The following LPP variants were observed in gnomAD, a reference collection of about 807,000 sequenced individuals.
LPP encodes lipoma-preferred partner.
LPP carries 38 observed loss-of-function variants against 60.4 expected under a neutral mutation model. The ratio of observed to expected loss-of-function variants is 0.63; its 90% CI spans 0.49 to 0.83. LPP has a LOEUF of 0.83. Ranked by LOEUF, LPP falls within the 40% of genes least tolerant of loss-of-function variation. The probability of loss-of-function intolerance (pLI) is 0.00; values close to 1 mark genes in which losing one functional copy is unlikely to be tolerated. For synonymous variants in LPP, 328 were observed against 290.8 expected (o/e 1.13, Z -1.30); for missense variants, 902 against 783.6 (o/e 1.15, Z -1.80).
intron 7 of LPP, among the ~76,000 whole-genome samples, chr3:188,666,392 T>A (rs1374200178): frequency 4.6e-5 from 7 of 152,172 alleles, no homozygotes; most frequent in Admixed American, 4.6e-4. Flanking sequence ...CACAGACTTG[T>A]CTTTGTTCAC....
intron 2 of LPP, among the ~76,000 whole-genome samples, chr3:188,240,976 G>A (rs536330567): frequency 2.0e-5 from 3 of 152,286 alleles, no homozygotes; most frequent in African/African-American, 7.2e-5. Context: ...ATTTTTAAAT[G>A]AAAAATGTTA....
intron 4 of LPP, among the ~76,000 whole-genome samples, chr3:188,407,617 A>C (rs1783822902): frequency 6.6e-6 from 1 of 152,102 alleles, no homozygotes; most frequent in African/African-American, 2.4e-5. Flanking sequence ...TTAGAAAGAG[A>C]CTGCATCTTT....
In LPP at chr3:188,879,045, C is replaced by G. The variant is rs1287382824; in HGVS notation, c.*4566C>G. 4.4e-6 allele frequency: 1 copy of G among 228,388 alleles called. No homozygotes were observed. Among genetic ancestry groups the G allele is most frequent in the East Asian group, 6.3e-5 (1 of 15,970 alleles). 14.1% of individuals were successfully genotyped at this position (228,388 alleles called of 1,614,324 possible). A position where few individuals can be genotyped will look rare whatever the true frequency, so the allele number is the denominator to read the frequency against. The stretch of plus-strand genomic sequence containing the variant: ...TTCATTGTATTTGCTTAATAGTGGT[C>G]CAGACAAGTTCAAAACTTGTTCTCA... On this transcript the variant is annotated 3_prime_UTR_variant, in exon 12 of 12. Transcript: ENST00000617246.
chr3:188,820,046 A>G (rs1753545248), intron 9 of LPP, among the ~76,000 whole-genome samples: 1 of 152,222 alleles, frequency 6.6e-6, no homozygotes, highest in South Asian at 2.1e-4. Context: ...ACACATGGAT[A>G]ATCCACAAGA....
intron 1 of LPP, among the ~76,000 whole-genome samples, chr3:188,164,896 G>A (rs549001412): frequency 1.1e-4 from 16 of 152,170 alleles, no homozygotes; most frequent in Non-Finnish European, 1.3e-4. Flanking sequence ...GGGTTTCGAC[G>A]ATGGAAACGT....
chr3:188,181,352 C>CAAAAAAA (rs11330297), intron 1 of LPP, among the ~76,000 whole-genome samples: 1 of 111,586 alleles, frequency 9.0e-6, no homozygotes. Context: ...AATTCCGTCT[C>CAAAAAAA]AAAAAAAAAA....
chr3:188,796,294 G>A (rs1170431116), intron 9 of LPP, among the ~76,000 whole-genome samples: 1 of 152,148 alleles, frequency 6.6e-6, no homozygotes, highest in Non-Finnish European at 1.5e-5. Flanking sequence ...AGGCCAGTGT[G>A]GTCAGAGCTC....
At chr3:188,784,363 A>G (rs1577528312) in intron 9 of LPP, among the ~76,000 whole-genome samples, 1 of 57,310 alleles carries the variant, frequency 1.7e-5, no homozygotes. Context: ...TCCATCATAT[A>G]TATATATTCC....
intron 6 of LPP, among the ~76,000 whole-genome samples, chr3:188,571,165 G>C (rs1264293499): frequency 1.3e-5 from 2 of 152,018 alleles, no homozygotes; most frequent in Non-Finnish European, 2.9e-5. Flanking sequence ...CTTATTTCAT[G>C]CTCCATGAGG....
intron 7 of LPP, among the ~76,000 whole-genome samples, chr3:188,637,831 G>T (rs1389153299): frequency 6.6e-6 from 1 of 152,078 alleles, no homozygotes; most frequent in East Asian, 1.9e-4. Context: ...TTGAATCTCT[G>T]AATAGACCAA....
intron 6 of LPP, among the ~76,000 whole-genome samples, chr3:188,549,385 C>T (rs1325329492): frequency 7.4e-6 from 1 of 135,012 alleles, no homozygotes; most frequent in Admixed American, 7.7e-5. Context: ...GGTTCTACTT[C>T]TCTATTTTGT....
At position 188,269,591 on chromosome 3, in the gene LPP, A is replaced by G. The variant is rs907599716; in HGVS notation, c.-67+44064A>G. Reference sequence around the variant, plus strand: ...CACATGAAGAAATAAAGTTATATCAAGAAAGATGCCTAACACATGTTCTGA... The same window carrying G: ...CACATGAAGAAATAAAGTTATATCAGGAAAGATGCCTAACACATGTTCTGA... On this transcript the variant is annotated intron_variant, in intron 2 of 11. Coordinates refer to ENST00000617246, the MANE Select transcript of LPP (RefSeq NM_001375462.1). Among the ~76,000 whole-genome samples, 68 of 151,906 alleles carry G rather than the reference A, an allele frequency of 4.5e-4. 1 individual carries two copies. The highest frequency in any genetic ancestry group is 3.9e-4 in the East Asian group (2 of 5,176).
chr3:188,390,847 A>C (rs908055973), intron 3 of LPP, among the ~76,000 whole-genome samples: 1 of 152,150 alleles, frequency 6.6e-6, no homozygotes, highest in East Asian at 1.9e-4. Flanking sequence ...TTTTCCAAGA[A>C]GAGAGAGACC....
At chr3:188,179,690 C>T (rs1423509648) in intron 1 of LPP, 1 of 355,782 alleles carries the variant, frequency 2.8e-6, no homozygotes, top group Non-Finnish European at 5.5e-6. Flanking sequence ...TTGTCTGCTC[C>T]AAAACTGTGG....
chr3:188,411,758 C>G (rs75903394), intron 4 of LPP, among the ~76,000 whole-genome samples: 38 of 152,248 alleles, frequency 2.5e-4, no homozygotes, highest in African/African-American at 8.7e-4. Context: ...TAAACTCAGT[C>G]TTAGACTTTG....
chr3:188,552,791 G>C (rs1284715854), intron 6 of LPP, among the ~76,000 whole-genome samples: 1 of 152,150 alleles, frequency 6.6e-6, no homozygotes, highest in Non-Finnish European at 1.5e-5. Context: ...GATAATTCAG[G>C]CTAATCTCCC....
At chr3:188,754,110 G>A in intron 8 of LPP, among the ~76,000 whole-genome samples, 1 of 152,292 alleles carries the variant, frequency 6.6e-6, no homozygotes, top group African/African-American at 2.4e-5. Flanking sequence ...ATGGCTAACA[G>A]TTGACATTCT....
chr3:188,744,413 C>T (rs750738613), intron 8 of LPP, among the ~76,000 whole-genome samples: 4 of 152,110 alleles, frequency 2.6e-5, no homozygotes, highest in Admixed American at 6.6e-5. Flanking sequence ...GTCCCCTTCC[C>T]GCAACTGCAC....
intron 4 of LPP, among the ~76,000 whole-genome samples, chr3:188,450,833 ATTGTAT>A (rs1257276040): frequency 6.6e-6 from 1 of 151,996 alleles, no homozygotes; most frequent in African/African-American, 2.4e-5. Flanking sequence ...GTGTGCATCC[ATTGTAT>A]TTCACTGATT....
Sources: allele counts gnomAD v4.1 joint callset (sites outside exome capture counted in the v4.1 genomes callset), GRCh38; gene constraint gnomAD v4.1.1; transcripts MANE v1.5; gene names NCBI Gene and HGNC (gene_info 2026-07-23, HGNC 2026-07-21).